The following RNF32 variants were observed in gnomAD, a reference collection of about 807,000 sequenced individuals.
RNF32 encodes ring finger protein 32.
Under a neutral mutation model 41.0 loss-of-function variants are expected in RNF32, and 36 were observed. That is an observed-to-expected ratio of 0.88 (90% CI 0.67 to 1.16). RNF32 has a LOEUF of 1.16. RNF32 is among the 50% of genes most tolerant of loss of function. The probability of loss-of-function intolerance (pLI) is 0.00; values close to 1 mark genes in which losing one functional copy is unlikely to be tolerated. For synonymous variants in RNF32, 154 were observed against 160.9 expected, an observed-to-expected ratio of 0.96 and a Z score of 0.32; for missense variants, 413 against 436.7, an observed-to-expected ratio of 0.95 and a Z score of 0.48.
chr7:156,671,666 G>A (rs113855818), intron 7 of RNF32, among the ~76,000 whole-genome samples: 26 of 152,196 alleles, frequency 1.7e-4, no homozygotes, highest in South Asian at 1.7e-3. Flanking sequence ...TGCGGTACAG[G>A]CGGTCCTGTC....
intron 1 of RNF32, chr7:156,642,841 A>G (rs2131321349): frequency 6.6e-6 from 1 of 152,382 alleles, no homozygotes; most frequent in Middle Eastern, 3.4e-3. Context: ...CTCCAAACAG[A>G]CAGTGGCCCC....
At position 156,658,269 on chromosome 7, in the gene RNF32, C is replaced by G; in HGVS notation, c.575+17C>G. The G allele has an allele frequency of 4.3e-6, 7 of 1,611,868 alleles. No homozygotes were observed. The highest frequency in any genetic ancestry group is 5.9e-6 in the Non-Finnish European group (7 of 1,179,406). On this transcript the variant is annotated intron_variant, in intron 6 of 8. Transcript: ENST00000317955. ...TGTGACCAGGTGAGGACGCCAGGCC[C>G]GTTTGGCGCTAAGCAGACACAGATC...
intron 7 of RNF32, among the ~76,000 whole-genome samples, chr7:156,671,838 A>G (rs1384432671): frequency 1.5e-5 from 2 of 130,652 alleles, no homozygotes; most frequent in Admixed American, 1.5e-4. Flanking sequence ...GGCTAGAAAT[A>G]AATTTTTTTT....
At chr7:156,641,462 C>T (rs1171364631) in intron 1 of RNF32, among the ~76,000 whole-genome samples, 1 of 152,308 alleles carries the variant, frequency 6.6e-6, no homozygotes, top group South Asian at 2.1e-4. Context: ...CTAACCCTAC[C>T]AGTGCCGCAG....
rs182668354 is a variant in RNF32 at position 156,643,809 on chromosome 7, T to A, written c.-69T>A. On this transcript the variant is annotated 5_prime_UTR_variant, in exon 2 of 9. Coordinates refer to ENST00000317955, the MANE Select transcript of RNF32 (RefSeq NM_030936.4). ...TGACCACGTCTTTGCAGCAGAAGAA[T>A]AGAAGGAAGGTGATAGGATGTGATG... 141 of 1,412,344 alleles carry A rather than the reference T, an allele frequency of 1.0e-4. No homozygotes were observed. The African/African-American group carries it at 1.8e-3, about 18-fold the overall frequency. The allele number at this position is 1,412,344 out of a possible 1,614,324, so 87.5% of individuals were successfully genotyped here. A position where few individuals can be genotyped will look rare whatever the true frequency, so the allele number is the denominator to read the frequency against.
Position 156,646,330 on chromosome 7 carries a change from A to G in RNF32, c.274+1573A>G, listed in dbSNP as rs1477865267. On this transcript the variant is annotated intron_variant, in intron 3 of 8. Coordinates refer to ENST00000317955, the MANE Select transcript of RNF32 (RefSeq NM_030936.4). ...GGGTTCTACAGAAGAATCCTAACTT[A>G]CCTTTCCCTGGTGGTTCCTGGCATT... The G allele has an allele frequency of 3.0e-6, 3 of 1,002,016 alleles. No individual in the cohort carries two copies. The East Asian group carries it at 1.8e-4, about 62-fold the overall frequency. The allele number at this position is 1,002,016 out of a possible 1,614,324, so 62.1% of individuals were successfully genotyped here.
At chr7:156,665,813 ACTTAC>A (rs1261890925) in intron 7 of RNF32, among the ~76,000 whole-genome samples, 1 of 152,164 alleles carries the variant, frequency 6.6e-6, no homozygotes, top group East Asian at 1.9e-4. Context: ...AACTTTTTAA[ACTTAC>A]CTTACCAAGT....
intron 3 of RNF32, among the ~76,000 whole-genome samples, chr7:156,648,877 T>G (rs955866970): frequency 6.6e-6 from 1 of 152,246 alleles, no homozygotes; most frequent in East Asian, 1.9e-4. Flanking sequence ...GTTTTGTTTT[T>G]TTCACTTTAT....
chr7:156,655,258 C>CAGAG (rs1240865253), intron 4 of RNF32, among the ~76,000 whole-genome samples: 1 of 151,624 alleles, frequency 6.6e-6, no homozygotes, highest in African/African-American at 2.4e-5. Context: ...CACACACACA[C>CAGAG]ACACAGAGAG....
At chr7:156,655,078 G>C (rs1799401575) in intron 4 of RNF32, among the ~76,000 whole-genome samples, 1 of 151,918 alleles carries the variant, frequency 6.6e-6, no homozygotes, top group African/African-American at 2.4e-5. Context: ...TTTGTGATTT[G>C]AGTCAGAAAA....
chr7:156,648,025 A>AT (rs1221263269), intron 3 of RNF32, among the ~76,000 whole-genome samples: 4 of 114,828 alleles, frequency 3.5e-5, no homozygotes, highest in Non-Finnish European at 5.1e-5. Flanking sequence ...TGATGGGATT[A>AT]TTTGTTTTTT....
chr7:156,650,647 G>A (rs1798591618), intron 3 of RNF32, among the ~76,000 whole-genome samples: 3 of 152,186 alleles, frequency 2.0e-5, no homozygotes, highest in Admixed American at 1.3e-4. Context: ...GTTTGAAGTT[G>A]AGGCAGTTGA....
At chr7:156,657,450 C>T (rs949626382) in intron 4 of RNF32, 91 bp from the exon 5 acceptor site, 2 of 1,246,508 alleles carry the variant, frequency 1.6e-6, no homozygotes, top group Non-Finnish European at 2.4e-6. Context: ...AATAATACAG[C>T]TTACCTTCTA....
At chr7:156,671,075 T>TAG (rs1162109895) in intron 7 of RNF32, among the ~76,000 whole-genome samples, 9 of 152,240 alleles carry the variant, frequency 5.9e-5, no homozygotes, top group African/African-American at 1.7e-4. Flanking sequence ...CTTAATAATG[T>TAG]AAGTATGCAC....
intron 3 of RNF32, among the ~76,000 whole-genome samples, chr7:156,650,951 C>T (rs1015193847): frequency 1.8e-4 from 28 of 152,344 alleles, no homozygotes; most frequent in Admixed American, 5.9e-4. Context: ...CCCTGCGGGT[C>T]TCCATTTAAT....
At chr7:156,655,067 T>C (rs1799399594) in intron 4 of RNF32, 1 of 172,734 alleles carries the variant, frequency 5.8e-6, no homozygotes, top group South Asian at 2.0e-4. Flanking sequence ...TCTTAAGTGG[T>C]TTTGTGATTT....
intron 7 of RNF32, among the ~76,000 whole-genome samples, chr7:156,665,297 A>C (rs1385113676): frequency 1.3e-5 from 2 of 152,114 alleles, no homozygotes; most frequent in African/African-American, 4.8e-5. Flanking sequence ...TTTTCTGCGT[A>C]GTATGGGAAG....
In RNF32 at chr7:156,654,469, A is replaced by G. The variant is rs184750288; in HGVS notation, c.275-107A>G. The G allele has an allele frequency of 4.5e-6, 4 of 884,430 alleles. No individual in the cohort carries two copies. The East Asian group carries it at 1.1e-4, about 23-fold the overall frequency. The allele number at this position is 884,430 out of a possible 1,614,324, so 54.8% of individuals were successfully genotyped here. On this transcript the variant is annotated intron_variant, in intron 3 of 8. Transcript: ENST00000317955. Reference sequence around the variant, plus strand: ...TATTGTGAAATAAAGTATGTGATCTATATGTAGTTCTTTAATCTTTGTTTG... The same window carrying G: ...TATTGTGAAATAAAGTATGTGATCTGTATGTAGTTCTTTAATCTTTGTTTG...
rs74720092 is a variant in RNF32, at chr7:156,648,029, G to A, written c.274+3272G>A. 7.0e-5 allele frequency among the ~76,000 whole-genome samples: 10 copies of A among 142,964 alleles called. No homozygotes were observed. The East Asian group carries it at 2.1e-3, about 30-fold the overall frequency. 93.8% of individuals were successfully genotyped at this position (142,964 alleles called of 152,430 possible). ...TGCCCTCTTTTTGATGGGATTATTT[G>A]TTTTTTTTTTTTCTTGCTGATTTGT... On this transcript the variant is annotated intron_variant, in intron 3 of 8. Transcript: ENST00000317955.
Sources: allele counts gnomAD v4.1 joint callset (sites outside exome capture counted in the v4.1 genomes callset), GRCh38; gene constraint gnomAD v4.1.1; transcripts MANE v1.5; gene names NCBI Gene and HGNC (gene_info 2026-07-23, HGNC 2026-07-21).